The following BUB1 variants were observed in gnomAD, a reference collection of about 807,000 sequenced individuals.
BUB1 encodes the protein BUB1 mitotic checkpoint serine/threonine kinase.
Under a neutral mutation model 135.2 loss-of-function variants are expected in BUB1, and 84 were observed. The ratio of observed to expected loss-of-function variants is 0.62; its 90% CI spans 0.52 to 0.74. The LOEUF is 0.74. Ranked by LOEUF, BUB1 falls within the 30% of genes least tolerant of loss-of-function variation. The pLI, the probability that BUB1 is intolerant of heterozygous loss-of-function variation, is 0.00. For missense variants in BUB1, 1,162 were observed against 1,288.3 expected (o/e 0.90, Z 1.50); for synonymous variants, 403 against 434.4 (o/e 0.93, Z 0.90).
intron 23 of BUB1, 21 bp from the exon 24 acceptor site, chr2:110,639,869 T>C: frequency 6.4e-7 from 1 of 1,572,598 alleles, no homozygotes; most frequent in Non-Finnish European, 8.8e-7. Flanking sequence ...GATAGAGGTA[T>C]ATATGACTTA....
At chr2:110,660,429 C>T (rs977783299) in intron 10 of BUB1, among the ~76,000 whole-genome samples, 4 of 151,870 alleles carry the variant, frequency 2.6e-5, no homozygotes, top group Non-Finnish European at 5.9e-5. Flanking sequence ...GAATTTTTAA[C>T]TGACTCTCAA....
In BUB1 at chr2:110,650,557, A is replaced by G. The variant is rs1481828682; in HGVS notation, c.2192T>C (p.Val731Ala). ...GTGAGTGTTCGTACTTGGAGCATCA[A>G]CAGTCCCAAGTGAACTCATCTGCAT... ...EWMQMSSLGT[V>A]DAPNFIVGNP... The change falls in exon 18 of 25, where the codon GTT becomes GCT. Residue 731 changes from valine to alanine, a missense_variant. Val to Ala is a moderately conservative substitution (Grantham distance 64). Coordinates refer to ENST00000302759, the MANE Select transcript of BUB1 (RefSeq NM_004336.5). 6.2e-7 allele frequency: 1 copy of G among 1,613,392 alleles called. No homozygotes were observed. Among genetic ancestry groups the G allele is most frequent in the Admixed American group, 1.7e-5 (1 of 59,934 alleles).
intron 19 of BUB1, among the ~76,000 whole-genome samples, chr2:110,644,120 G>A (rs569391328): frequency 1.2e-3 from 173 of 149,774 alleles, no homozygotes; most frequent in Non-Finnish European, 1.8e-3. Flanking sequence ...TAAGGAATGT[G>A]GGACAACTAC....
Position 110,653,432 on chromosome 2 carries a change from A to G in BUB1, c.1964+4T>C, listed in dbSNP as rs1271059194. 1 of 1,612,474 alleles carries G rather than the reference A, an allele frequency of 6.2e-7. No individual in the cohort carries two copies. The highest frequency in any genetic ancestry group is 8.5e-7 in the Non-Finnish European group (1 of 1,178,772). The stretch of plus-strand genomic sequence containing the variant: ...TGGCAGAACCAAATAAACCCTCACA[A>G]TACCTGAATTTTCCATCCCTTGAAG... On this transcript the variant is annotated splice_donor_region_variant and intron_variant, in intron 17 of 24. Coordinates refer to ENST00000302759, the MANE Select transcript of BUB1 (RefSeq NM_004336.5).
rs2104561733 is a variant in BUB1 at position 110,674,165 on chromosome 2, A to G, written c.146T>C (p.Leu49Pro). Residue 49 changes from leucine (L) to proline (P), a missense_variant, in exon 3 of 25, where the codon CTA becomes CCA. Coordinates refer to ENST00000302759, the MANE Select transcript of BUB1 (RefSeq NM_004336.5). ...PENKEYLITL[L>P]EHLMKEFLDK... The stretch of plus-strand genomic sequence containing the variant: ...TAAAAATTCCTTCATTAAATGTTCT[A>G]GTAAAGTTATCAAGTATTCTTTATT... 7 of 1,590,312 alleles carry G rather than the reference A, an allele frequency of 4.4e-6. No homozygotes were observed. In the East Asian group the frequency reaches 1.6e-4, roughly 36 times the overall value.
chr2:110,655,609 T>C (rs1689908896), intron 16 of BUB1, 130 bp downstream of exon 16: 1 of 915,182 alleles, frequency 1.1e-6, no homozygotes, highest in African/African-American at 1.6e-5. Flanking sequence ...ATTTTAAGTT[T>C]CTTCTTTATG....
At chr2:110,642,449 T>G (rs555604426) in intron 19 of BUB1, 2 of 318,892 alleles carry the variant, frequency 6.3e-6, no homozygotes, top group African/African-American at 4.3e-5. Context: ...TCTTACTCAC[T>G]TTCACTAGTT....
At chr2:110,649,689 G>A (rs1296962903) in intron 18 of BUB1, among the ~76,000 whole-genome samples, 1 of 152,088 alleles carries the variant, frequency 6.6e-6, no homozygotes, top group Non-Finnish European at 1.5e-5. Context: ...CACAATTAGG[G>A]ATACATGTCT....
intron 4 of BUB1, among the ~76,000 whole-genome samples, chr2:110,672,205 C>T (rs980205993): frequency 6.6e-5 from 10 of 151,500 alleles, no homozygotes; most frequent in South Asian, 4.2e-4. Flanking sequence ...CCAGCCTGGG[C>T]GACAGAGTGA....
chr2:110,661,360 C>T (rs529627711), intron 10 of BUB1: 102 of 555,826 alleles, frequency 1.8e-4, no homozygotes, highest in African/African-American at 1.5e-3. Flanking sequence ...TTTTAATTCA[C>T]GAAAGTATAA....
At chr2:110,647,415 T>TA (rs1350486771) in intron 19 of BUB1, among the ~76,000 whole-genome samples, 13 of 152,198 alleles carry the variant, frequency 8.5e-5, no homozygotes, top group Non-Finnish European at 1.9e-4. Context: ...ATCCCAGGTA[T>TA]ACAAGGCTAG....
At chr2:110,652,283 G>A (rs1330368688) in intron 17 of BUB1, among the ~76,000 whole-genome samples, 2 of 152,092 alleles carry the variant, frequency 1.3e-5, no homozygotes, top group African/African-American at 2.4e-5. Context: ...TCAGCCTTCC[G>A]GTTCCAGCTC....
rs375586023 is a variant in BUB1 at position 110,656,327 on chromosome 2, A to G, written c.1699-411T>C. 3.3e-5 allele frequency among the ~76,000 whole-genome samples: 5 copies of G among 152,024 alleles called. No individual in the cohort carries two copies. In the East Asian group the frequency reaches 7.7e-4, roughly 23 times the overall value. ...TGGATTTCACCTTTTTTTTCCCACT[A>G]ATGTGCCTCCTCTGTTCAGGGATCC... On this transcript the variant is annotated intron_variant, in intron 15 of 24. Coordinates refer to ENST00000302759, the MANE Select transcript of BUB1 (RefSeq NM_004336.5).
rs746850729 is a variant in BUB1 at position 110,672,720 on chromosome 2, G to A, written c.363C>T (p.Val121=). ...AQGELQHASA[V]LQRGIQNQAE... is the part of the protein sequence containing the mutation. ...CCTGGTTTTGAATTCCTCTCTGAAG[G>A]ACAGCACTGGCATGCTGCAGCTCTC... is the stretch of plus-strand genomic sequence containing the variant. Residue 121 remains valine, a synonymous_variant, in exon 4 of 25, where the codon GTC becomes GTT. Transcript: ENST00000302759. 5.0e-6 allele frequency: 8 copies of A among 1,613,616 alleles called. No individual in the cohort carries two copies. The highest frequency in any genetic ancestry group is 6.8e-6 in the Non-Finnish European group (8 of 1,179,880).
chr2:110,663,743 T>C (rs1690161887), intron 9 of BUB1, among the ~76,000 whole-genome samples: 1 of 152,186 alleles, frequency 6.6e-6, no homozygotes, highest in Non-Finnish European at 1.5e-5. Flanking sequence ...TAAAAGCAGA[T>C]GCTGGCCGGG....
At chr2:110,655,508 T>C (rs1176723944) in intron 16 of BUB1, among the ~76,000 whole-genome samples, 1 of 152,074 alleles carries the variant, frequency 6.6e-6, no homozygotes, top group Non-Finnish European at 1.5e-5. Context: ...CTACCTATAA[T>C]CTAAGCTATT....
intron 24 of BUB1, among the ~76,000 whole-genome samples, chr2:110,638,672 A>G (rs1259014706): frequency 1.3e-5 from 2 of 152,204 alleles, no homozygotes; most frequent in South Asian, 4.1e-4. Context: ...GTAGAATGCA[A>G]AGGAATTGTG....
chr2:110,643,591 G>A (rs1371543814), intron 19 of BUB1, among the ~76,000 whole-genome samples: 1 of 152,178 alleles, frequency 6.6e-6, no homozygotes, highest in Non-Finnish European at 1.5e-5. Flanking sequence ...GTAAGCATCA[G>A]AAACAGACAC....
At chr2:110,671,381 T>C (rs1690417306) in intron 4 of BUB1, among the ~76,000 whole-genome samples, 4 of 152,240 alleles carry the variant, frequency 2.6e-5, no homozygotes, top group South Asian at 2.1e-4. Flanking sequence ...AAAATGTTAA[T>C]TATTAAAAGT....
Sources: gnomAD v4.1 joint callset for allele counts (sites outside exome capture counted in the v4.1 genomes callset) on GRCh38, gnomAD v4.1.1 for gene constraint, MANE v1.5 for transcripts, NCBI Gene and HGNC (gene_info 2026-07-23, HGNC 2026-07-21) for gene names.